Variants in SPAG16 observed in about 807,000 individuals in gnomAD.
The protein encoded by SPAG16 is sperm-associated antigen 16 protein.
In SPAG16, 86 loss-of-function variants were observed where a neutral mutation model predicts 80.4. That is an observed-to-expected ratio of 1.07 (90% CI 0.90 to 1.28). SPAG16 has a LOEUF of 1.28. Among genes scored for constraint, SPAG16 ranks in the 50% most tolerant of loss-of-function variants. The pLI is 0.00. For missense variants in SPAG16, 870 were observed against 765.3 expected, an observed-to-expected ratio of 1.14 and a Z score of -1.61; for synonymous variants, 294 against 265.9, an observed-to-expected ratio of 1.11 and a Z score of -1.03.
intron 15 of SPAG16, among the ~76,000 whole-genome samples, chr2:214,268,888 G>A (rs921832289): frequency 2.0e-5 from 3 of 151,812 alleles, no homozygotes; most frequent in African/African-American, 4.8e-5. Context: ...TATGCTATTC[G>A]GCAGTAATTT....
At chr2:213,285,089 G>T (rs1268311070) in intron 1 of SPAG16, among the ~76,000 whole-genome samples, 2 of 152,180 alleles carry the variant, frequency 1.3e-5, no homozygotes, top group African/African-American at 4.8e-5. Context: ...CCCAACCCAC[G>T]ATCCTGTTCG....
chr2:213,925,876 T>C (rs1246955271), intron 11 of SPAG16, among the ~76,000 whole-genome samples: 1 of 152,188 alleles, frequency 6.6e-6, no homozygotes, highest in Non-Finnish European at 1.5e-5. Context: ...AATAACCTTA[T>C]TTTTCTTTTT....
At chr2:214,364,738 C>T (rs1229373726) in intron 15 of SPAG16, among the ~76,000 whole-genome samples, 1 of 152,114 alleles carries the variant, frequency 6.6e-6, no homozygotes, top group Non-Finnish European at 1.5e-5. Flanking sequence ...AATACAGGGA[C>T]ACTTTGGAGG....
chr2:214,052,192 T>C (rs181311287), intron 13 of SPAG16, among the ~76,000 whole-genome samples: 60 of 152,344 alleles, frequency 3.9e-4, no homozygotes, highest in African/African-American at 1.4e-3. Context: ...CTTCTTACGA[T>C]AGAAGCATTG....
At chr2:214,105,677 T>G (rs1266728777) in intron 13 of SPAG16, among the ~76,000 whole-genome samples, 1 of 152,174 alleles carries the variant, frequency 6.6e-6, no homozygotes, top group Non-Finnish European at 1.5e-5. Context: ...CTTTTTTATT[T>G]TTTCTCCTTT....
intron 10 of SPAG16, among the ~76,000 whole-genome samples, chr2:213,718,576 G>A (rs1427031823): frequency 2.6e-5 from 4 of 152,202 alleles, no homozygotes; most frequent in Non-Finnish European, 5.9e-5. Context: ...GGTGGGCCCC[G>A]CACTGGAAGC....
At chr2:213,641,634 G>A (rs921037810) in intron 10 of SPAG16, among the ~76,000 whole-genome samples, 2 of 152,178 alleles carry the variant, frequency 1.3e-5, no homozygotes, top group African/African-American at 4.8e-5. Flanking sequence ...TCTTCCCATT[G>A]CTCATTCTAC....
At chr2:213,478,593 C>T (rs1478330218) in intron 9 of SPAG16, among the ~76,000 whole-genome samples, 3 of 152,292 alleles carry the variant, frequency 2.0e-5, no homozygotes, top group East Asian at 1.9e-4. Context: ...TCACTAGCAA[C>T]AGTTTCTCTT....
intron 10 of SPAG16, among the ~76,000 whole-genome samples, chr2:213,667,988 C>T (rs1003014108): frequency 6.7e-6 from 1 of 149,518 alleles, no homozygotes; most frequent in Non-Finnish European, 1.5e-5. Context: ...ATTCTGTTGC[C>T]CAGGCTGGAG....
chr2:213,361,739 G>A (rs1256324839), intron 7 of SPAG16, among the ~76,000 whole-genome samples: 1 of 151,256 alleles, frequency 6.6e-6, no homozygotes, highest in Non-Finnish European at 1.5e-5. Flanking sequence ...CACCTGCAGA[G>A]GTTGGTGGAT....
At chr2:213,724,200 G>A (rs2066652443) in intron 10 of SPAG16, among the ~76,000 whole-genome samples, 1 of 152,196 alleles carries the variant, frequency 6.6e-6, no homozygotes, top group African/African-American at 2.4e-5. Flanking sequence ...GGACGTTATA[G>A]AAGAGTTTAA....
chr2:213,624,457 A>T (rs1370133084), intron 10 of SPAG16, among the ~76,000 whole-genome samples: 3 of 152,160 alleles, frequency 2.0e-5, no homozygotes, highest in Non-Finnish European at 4.4e-5. Context: ...ATGCTTCAGG[A>T]AGTGTCACAG....
At chr2:213,952,457 A>G (rs1451945837) in intron 12 of SPAG16, among the ~76,000 whole-genome samples, 2 of 152,104 alleles carry the variant, frequency 1.3e-5, no homozygotes, top group African/African-American at 4.8e-5. Flanking sequence ...TTAGATCAAC[A>G]TTGAAAAATA....
At chr2:214,338,527 A>T (rs373905809) in intron 15 of SPAG16, among the ~76,000 whole-genome samples, 49 of 152,108 alleles carry the variant, frequency 3.2e-4, no homozygotes, top group African/African-American at 1.1e-3. Context: ...AATAAAATTT[A>T]AAAAAAATCC....
chr2:214,066,169 A>T (rs2050518376), intron 13 of SPAG16, among the ~76,000 whole-genome samples: 3 of 152,134 alleles, frequency 2.0e-5, no homozygotes, highest in African/African-American at 7.2e-5. Context: ...TTCCAGGAGG[A>T]AGTGTAAAGC....
intron 9 of SPAG16, among the ~76,000 whole-genome samples, chr2:213,407,740 GGAGAGAGGCA>G (rs1213318157): frequency 6.8e-6 from 1 of 146,674 alleles, no homozygotes; most frequent in African/African-American, 2.5e-5. Flanking sequence ...GAGAGAGACA[GGAGAGAGGCA>G]GAGAGAGACA....
intron 12 of SPAG16, among the ~76,000 whole-genome samples, chr2:213,984,350 A>G (rs768656092): frequency 6.6e-6 from 1 of 152,112 alleles, no homozygotes; most frequent in Non-Finnish European, 1.5e-5. Context: ...ATATACATCC[A>G]TAAGTGCAAC....
intron 15 of SPAG16, among the ~76,000 whole-genome samples, chr2:214,195,309 A>ATAGATAGAT (rs1466340591): frequency 1.3e-5 from 2 of 151,602 alleles, no homozygotes; most frequent in Non-Finnish European, 2.9e-5. Context: ...GAGATGATAG[A>ATAGATAGAT]TAGATAGATA....
chr2:213,754,436 T>A (rs552382315), intron 10 of SPAG16, among the ~76,000 whole-genome samples: 1 of 152,216 alleles, frequency 6.6e-6, no homozygotes, highest in Non-Finnish European at 1.5e-5. Context: ...TTGAGTGTTA[T>A]AATAAAATAT....
Sources: gnomAD v4.1 joint callset for allele counts (sites outside exome capture counted in the v4.1 genomes callset) on GRCh38, gnomAD v4.1.1 for gene constraint, MANE v1.5 for transcripts, NCBI Gene and HGNC (gene_info 2026-07-23, HGNC 2026-07-21) for gene names.